Variants in TTF1 observed in about 807,000 individuals in gnomAD.
TTF1 encodes the protein transcription termination factor, RNA polymerase I.
TTF1 carries 64 observed loss-of-function variants against 80.2 expected under a neutral mutation model. The ratio of observed to expected loss-of-function variants is 0.80; its 90% CI spans 0.65 to 0.98. The LOEUF (loss-of-function observed/expected upper bound fraction) is 0.98, where lower values mean the gene tolerates loss of function less well. Among genes scored for constraint, TTF1 ranks in the 50% least tolerant of loss-of-function variants. The pLI is 0.00. For synonymous variants in TTF1, 372 were observed against 382.7 expected, an observed-to-expected ratio of 0.97 and a Z score of 0.33; for missense variants, 1,023 against 1,086.2, an observed-to-expected ratio of 0.94 and a Z score of 0.82.
rs112527422 is a variant in TTF1 at position 132,402,831 on chromosome 9, A to G, written c.-7-3T>C. ...TTGATTCTCCTTCCATTTTATTCCTATATGGAAATGTGACAACAATGGTTT... is the reference window on the plus strand; with the variant it reads ...TTGATTCTCCTTCCATTTTATTCCTGTATGGAAATGTGACAACAATGGTTT... On this transcript the variant is annotated splice_polypyrimidine_tract_variant and splice_region_variant and intron_variant, in intron 1 of 10. Transcript: ENST00000334270. 4 of 1,564,092 alleles carry G rather than the reference A, an allele frequency of 2.6e-6. No individual in the cohort carries two copies. The highest frequency in any genetic ancestry group is 1.7e-6 in the Non-Finnish European group (2 of 1,162,798).
intron 10 of TTF1, among the ~76,000 whole-genome samples, chr9:132,378,698 G>GCA (rs1849310512): frequency 6.7e-6 from 1 of 149,846 alleles, no homozygotes; most frequent in African/African-American, 2.5e-5. Flanking sequence ...GTGAGTGCAT[G>GCA]TGGTGTGAGT....
At position 132,401,668 on chromosome 9, in the gene TTF1, G is replaced by C; in HGVS notation, c.1154C>G (p.Thr385Arg). The C allele has an allele frequency of 6.2e-7, 1 of 1,614,126 alleles. No homozygotes were observed. The highest frequency in any genetic ancestry group is 8.5e-7 in the Non-Finnish European group (1 of 1,180,032). The change falls in exon 2 of 11, where the codon ACA (threonine) becomes AGA (arginine). Residue 385 changes from threonine to arginine, a missense_variant. Coordinates refer to ENST00000334270, the MANE Select transcript of TTF1 (RefSeq NM_007344.4). ...ALKGFKESNS[T>R]KKKSKKRKLT... ...CTTCCTTTTCTTAGACTTCTTCTTT[G>C]TACTGTTGGATTCCTTGAACCCTTT...
At chr9:132,377,428 GTGGTGTGAGTGCATGCA>G (rs1849221421) in intron 10 of TTF1, among the ~76,000 whole-genome samples, 1 of 93,650 alleles carries the variant, frequency 1.1e-5, no homozygotes, top group Non-Finnish European at 2.1e-5. Flanking sequence ...GTGCATGCAT[GTGGTGTGAGTGCATGCA>G]TGTGGTGTGT....
At position 132,402,267 on chromosome 9, in the gene TTF1, G is replaced by A. The variant is rs1221194449; in HGVS notation, c.555C>T (p.Asp185=). The change falls in exon 2 of 11, where the codon GAC becomes GAT. Residue 185 remains aspartate, a synonymous_variant. Coordinates refer to ENST00000334270, the MANE Select transcript of TTF1 (RefSeq NM_007344.4). ...GGTGGGATTCTGACTGAGGCAGGGT[G>A]TCCCTTGCCCGCTGGCTCTCCCAGG... is the stretch of plus-strand genomic sequence containing the variant. The part of the protein sequence containing the change: ...AASWESQRAR[D]TLPQSESHQE... 1.9e-6 allele frequency: 3 copies of A among 1,614,112 alleles called. No homozygotes were observed. The highest frequency in any genetic ancestry group is 1.7e-6 in the Non-Finnish European group (2 of 1,180,004).
At chr9:132,390,041 T>C (rs187352391) in intron 7 of TTF1, among the ~76,000 whole-genome samples, 67 of 152,270 alleles carry the variant, frequency 4.4e-4, no homozygotes, top group African/African-American at 1.5e-3. Context: ...AATGGGGCGA[T>C]CTCAGCTCAC....
In TTF1 at chr9:132,400,097, G is replaced by T; in HGVS notation, c.1529C>A (p.Thr510Asn). The change falls in exon 3 of 11, where the codon ACC becomes AAC. Residue 510 changes from threonine to asparagine, a missense_variant. Physicochemically the swap from Thr to Asn is moderately conservative, Grantham distance 65 (BLOSUM62 0). Coordinates refer to ENST00000334270, the MANE Select transcript of TTF1 (RefSeq NM_007344.4). ...EFIPNIKDRATSTIKRMYRDD... is the reference protein window; with the variant it reads ...EFIPNIKDRANSTIKRMYRDD... ...CCGGTACATCCGCTTGATTGTGCTG[G>T]TGGCCCTGTCCTTGATGTTAGGAAT... 1 of 1,614,120 alleles carries T rather than the reference G, an allele frequency of 6.2e-7. No individual in the cohort carries two copies. Among genetic ancestry groups the T allele is most frequent in the Non-Finnish European group, 8.5e-7 (1 of 1,180,034 alleles).
rs1030273834 is a variant in TTF1 at position 132,384,641 on chromosome 9, C to T, written c.2378+1915G>A. ...TAAGGGGACACTTTTCACTGTGTTT[C>T]CTTTCAGGTTTCTTTCTTTCTTTCT... On this transcript the variant is annotated intron_variant, in intron 9 of 10. Transcript: ENST00000334270. The surrounding 1 kb of genome is among the most constrained non-coding windows in gnomAD (Gnocchi z 4.1). Among the ~76,000 whole-genome samples the T allele has an allele frequency of 1.1e-4, 16 of 152,068 alleles. No homozygotes were observed. Among genetic ancestry groups the T allele is most frequent in the African/African-American group, 3.6e-4 (15 of 41,486 alleles).
intron 5 of TTF1, among the ~76,000 whole-genome samples, chr9:132,393,777 C>T (rs1233580470): frequency 1.3e-5 from 2 of 152,050 alleles, no homozygotes; most frequent in Non-Finnish European, 2.9e-5. Flanking sequence ...CTAAGAAAAG[C>T]ACTATAATAT....
At chr9:132,383,379 C>G (rs1564184084) in intron 9 of TTF1, among the ~76,000 whole-genome samples, 1 of 152,086 alleles carries the variant, frequency 6.6e-6, no homozygotes, top group Non-Finnish European at 1.5e-5. Context: ...TGTACTATAT[C>G]AATGTGAAAC....
intron 1 of TTF1, 46 bp from the exon 2 acceptor site, chr9:132,402,874 G>A: frequency 6.7e-7 from 1 of 1,500,098 alleles, no homozygotes; most frequent in Non-Finnish European, 8.9e-7. Flanking sequence ...CTTTTTTTTT[G>A]AGACGGAGTC....
chr9:132,401,705 T>G lies in TTF1; in HGVS notation c.1117A>C (p.Ser373Arg). 6.2e-7 allele frequency: 1 copy of G among 1,614,254 alleles called. No homozygotes were observed. The highest frequency in any genetic ancestry group is 8.5e-7 in the Non-Finnish European group (1 of 1,180,048). Residue 373 changes from serine (S) to arginine (R), a missense_variant, in exon 2 of 11, where the codon AGT (serine) becomes CGT (arginine). By Grantham distance (110) the Ser-to-Arg change is moderately radical (BLOSUM62 -1). Transcript: ENST00000334270. The part of the protein sequence containing the change: ...VGSEVGTVEG[S>R]TALKGFKESN... ...TCCTTGAACCCTTTAAGAGCTGTAC[T>G]GCCTTCCACAGTCCCAACCTCACTG...
chr9:132,401,636 A>G lies in TTF1; in HGVS notation c.1186T>C (p.Ser396Pro). 6.2e-7 allele frequency: 1 copy of G among 1,614,154 alleles called. No homozygotes were observed. The highest frequency in any genetic ancestry group is 8.5e-7 in the Non-Finnish European group (1 of 1,180,032). ...KKKSKKRKLT[S>P]VKRARVSGDD... ...CCAGACACTCGTGCCCTTTTGACAG[A>G]CGTAAGCTTCCTTTTCTTAGACTTC... Residue 396 changes from serine (S) to proline (P), a missense_variant, in exon 2 of 11, where the codon TCT becomes CCT. Physicochemically the swap from Ser to Pro is moderately conservative, Grantham distance 74. Transcript: ENST00000334270.
intron 4 of TTF1, among the ~76,000 whole-genome samples, chr9:132,397,200 A>G (rs575965884): frequency 6.6e-6 from 1 of 152,350 alleles, no homozygotes; most frequent in South Asian, 2.1e-4. Flanking sequence ...ATTAAGAGGA[A>G]GAGAACACTG....
At chr9:132,379,177 G>T (rs1849322355) in intron 9 of TTF1, 33 bp from the exon 10 acceptor site, 1 of 1,523,054 alleles carries the variant, frequency 6.6e-7, no homozygotes, top group South Asian at 1.2e-5. Flanking sequence ...TAAAAAGCAA[G>T]TTAGTTTAAA....
At chr9:132,406,310 C>G (rs2131662828) in intron 1 of TTF1, among the ~76,000 whole-genome samples, 1 of 152,132 alleles carries the variant, frequency 6.6e-6, no homozygotes, top group East Asian at 1.9e-4. Flanking sequence ...CTCCCAAAGA[C>G]CCAAGCCGCG....
chr9:132,396,912 ATGAACCAGC>A (rs1205479542), intron 4 of TTF1, among the ~76,000 whole-genome samples: 2 of 152,014 alleles, frequency 1.3e-5, no homozygotes, highest in Non-Finnish European at 2.9e-5. Context: ...GCTTCACCAA[ATGAACCAGC>A]TGGCCAGGTT....
At chr9:132,388,933 T>C (rs781509965) in intron 7 of TTF1, among the ~76,000 whole-genome samples, 1 of 152,234 alleles carries the variant, frequency 6.6e-6, no homozygotes, top group Non-Finnish European at 1.5e-5. Context: ...TCAACAACAT[T>C]GTTGCTCTTA....
intron 9 of TTF1, 32 bp from the exon 10 acceptor site, chr9:132,379,176 A>AC (rs1849322311): frequency 6.6e-7 from 1 of 1,526,326 alleles, no homozygotes; most frequent in South Asian, 1.2e-5. Context: ...ATAAAAAGCA[A>AC]GTTAGTTTAA....
At position 132,404,350 on chromosome 9, in the gene TTF1, C is replaced by T. The variant is rs181788304; in HGVS notation, c.-7-1522G>A. ...GTATTAGACAAGGAATATGTTACTC[C>T]CCCAAGTCTAACACACCTACTTGCA... On this transcript the variant is annotated intron_variant, in intron 1 of 10. Transcript: ENST00000334270. Among the ~76,000 whole-genome samples the T allele has an allele frequency of 3.9e-5, 6 of 152,178 alleles. No individual in the cohort carries two copies. The East Asian group carries it at 1.2e-3, about 29-fold the overall frequency.
Sources: allele counts gnomAD v4.1 joint callset (sites outside exome capture counted in the v4.1 genomes callset), GRCh38; gene constraint gnomAD v4.1.1; non-coding constraint Gnocchi (gnomAD v3.1); transcripts MANE v1.5; gene names NCBI Gene and HGNC (gene_info 2026-07-23, HGNC 2026-07-21).